The following TMEM59 variants were observed in gnomAD, a reference collection of about 807,000 sequenced individuals.
TMEM59 encodes transmembrane protein 59.
A neutral mutation model predicts 42.2 loss-of-function variants in TMEM59; 44 were observed. The ratio of observed to expected loss-of-function variants is 1.04; its 90% confidence interval spans 0.82 to 1.34. The LOEUF is 1.34. Ranked by LOEUF, TMEM59 falls within the 40% of genes most tolerant of loss-of-function variation. The pLI is 0.00. For synonymous variants in TMEM59, 148 were observed against 145.8 expected (o/e 1.02, Z -0.11); for missense variants, 359 against 382.8 (o/e 0.94, Z 0.52).
At chr1:54,053,225 T>C (rs769035551), upstream of TMEM59, 8 of 1,605,998 alleles carry the variant, frequency 5.0e-6, no homozygotes, top group Non-Finnish European at 6.8e-6. Context: ...AGCTTGTTGC[T>C]GTTTTCTCGG....
In TMEM59 at chr1:54,046,971, T is replaced by C. The variant is rs1569963592; in HGVS notation, c.295+296A>G. 2.0e-5 allele frequency among the ~76,000 whole-genome samples: 3 copies of C among 152,312 alleles called. No individual in the cohort carries two copies. In the East Asian group the frequency reaches 5.8e-4, roughly 29 times the overall value. On this transcript the variant is annotated intron_variant, in intron 2 of 7. Transcript: ENST00000234831. ...GAAAATTATACTATCTGTGAAAAGG[T>C]AGTAATGAATTGTGAGTAGGGTAAT...
chr1:54,032,902 A>G (rs2100295399), intron 7 of TMEM59, among the ~76,000 whole-genome samples: 1 of 151,892 alleles, frequency 6.6e-6, no homozygotes, highest in Non-Finnish European at 1.5e-5. Context: ...AGACTTAGAT[A>G]TATGTATGAA....
chr1:54,052,938 T>C, intron 1 of TMEM59, 62 bp downstream of exon 1: 1 of 1,548,604 alleles, frequency 6.5e-7, no homozygotes, highest in Non-Finnish European at 8.8e-7. Flanking sequence ...CCGACATACG[T>C]GTGGGGAGCC....
intron 3 of TMEM59, chr1:54,044,488 CTT>C (rs1386850950): frequency 6.8e-6 from 1 of 147,224 alleles, no homozygotes; most frequent in Non-Finnish European, 1.5e-5. Flanking sequence ...TTTGGTTCTG[CTT>C]TGTTTCTTTT....
rs1251147890 is a variant in TMEM59 at position 54,028,348 on chromosome 1, T to C, written c.*3802A>G. 2.0e-5 allele frequency: 3 copies of C among 152,216 alleles called. No individual in the cohort carries two copies. In the East Asian group the frequency reaches 5.8e-4, roughly 29 times the overall value. 9.4% of individuals were successfully genotyped at this position (152,216 alleles called of 1,614,324 possible). ...AAAAAGAACTCTGAGGCTAAGATTA[T>C]TGTTGGCCTCTGGACTTGCCCTTTC... On this transcript the variant is annotated 3_prime_UTR_variant, in exon 8 of 8. Transcript: ENST00000234831.
At chr1:54,045,168 G>A (rs1237497702) in intron 3 of TMEM59, among the ~76,000 whole-genome samples, 1 of 152,144 alleles carries the variant, frequency 6.6e-6, no homozygotes, top group African/African-American at 2.4e-5. Flanking sequence ...GTGATAAACA[G>A]TTTGGACTTA....
chr1:54,033,145 AT>A (rs1656821930), intron 7 of TMEM59: 1 of 146,196 alleles, frequency 6.8e-6, no homozygotes, highest in South Asian at 2.2e-4. Flanking sequence ...TTTTTTTTAA[AT>A]GATGGGGTCT....
In TMEM59 at chr1:54,031,296, T is replaced by C. The variant is rs1229916130; in HGVS notation, c.*854A>G. 4 of 152,238 alleles carry C rather than the reference T, an allele frequency of 2.6e-5. No individual in the cohort carries two copies. Among genetic ancestry groups the C allele is most frequent in the Non-Finnish European group, 4.4e-5 (3 of 68,040 alleles). 9.4% of individuals were successfully genotyped at this position (152,238 alleles called of 1,614,324 possible). On this transcript the variant is annotated 3_prime_UTR_variant, in exon 8 of 8. Coordinates refer to ENST00000234831, the MANE Select transcript of TMEM59 (RefSeq NM_004872.5). ...TTATTATGACCTGATATCATTCTAATATTAAGCTCTGTATTATTGCAGGTA... is the reference window on the plus strand; with the variant it reads ...TTATTATGACCTGATATCATTCTAACATTAAGCTCTGTATTATTGCAGGTA...
At position 54,037,952 on chromosome 1, in the gene TMEM59, G is replaced by A. The variant is rs561276517; in HGVS notation, c.708-1234C>T. Among the ~76,000 whole-genome samples, 5 of 152,148 alleles carry A rather than the reference G, an allele frequency of 3.3e-5. No individual in the cohort carries two copies. The South Asian group carries it at 6.2e-4, about 19-fold the overall frequency. Reference sequence around the variant, plus strand: ...CAACTACCTAAGCCAGAAAACTGGGGCTCATCCCTTCAATCTCCACAACAA... The same window carrying A: ...CAACTACCTAAGCCAGAAAACTGGGACTCATCCCTTCAATCTCCACAACAA... On this transcript the variant is annotated intron_variant, in intron 6 of 7. Transcript: ENST00000234831.
chr1:54,038,227 C>G (rs1012596319), intron 6 of TMEM59, among the ~76,000 whole-genome samples: 4 of 152,154 alleles, frequency 2.6e-5, no homozygotes, highest in African/African-American at 4.8e-5. Context: ...ACCCTATACA[C>G]ATTGAGCAGG....
At chr1:54,048,643 G>T (rs1439275030) in intron 1 of TMEM59, 1 of 436,014 alleles carries the variant, frequency 2.3e-6, no homozygotes, top group Non-Finnish European at 4.8e-6. Flanking sequence ...GAGCCCCCTC[G>T]ACTTACTATG....
At chr1:54,034,065 G>C (rs1163631237) in intron 7 of TMEM59, 3 of 144,116 alleles carry the variant, frequency 2.1e-5, no homozygotes, top group African/African-American at 5.3e-5. Flanking sequence ...TTTGCAGTGA[G>C]CCGAGATCGC....
At chr1:54,053,540 G>A (rs1657667120), upstream of TMEM59, 1 of 250,126 alleles carries the variant, frequency 4.0e-6, no homozygotes, top group Middle Eastern at 1.4e-3. Flanking sequence ...AACTACAGCC[G>A]CCCTCAGCGC....
chr1:54,045,751 A>AT lies in TMEM59; in HGVS notation c.330dup (p.Tyr111IlefsTer15). On this transcript the variant is annotated frameshift_variant, in exon 3 of 8. Coordinates refer to ENST00000234831, the MANE Select transcript of TMEM59 (RefSeq NM_004872.5). LOFTEE classifies it high-confidence loss of function. Reference sequence around the variant, plus strand: ...TTCTGGCAACCAAGATGGCAAGCATATTGCTCATCAGATTGGGAATATGCT... The same window carrying AT: ...TTCTGGCAACCAAGATGGCAAGCATATTTGCTCATCAGATTGGGAATATGCT... The AT allele has an allele frequency of 6.2e-7, 1 of 1,614,154 alleles. No individual in the cohort carries two copies. Among genetic ancestry groups the AT allele is most frequent in the Non-Finnish European group, 8.5e-7 (1 of 1,180,000 alleles).
At chr1:54,047,613 C>G (rs1657387419) in intron 1 of TMEM59, 2 of 411,504 alleles carry the variant, frequency 4.9e-6, no homozygotes, top group South Asian at 3.2e-5. Flanking sequence ...AACCACCACC[C>G]TTTTTCCATT....
At chr1:54,049,791 C>T (rs1186216687) in intron 1 of TMEM59, among the ~76,000 whole-genome samples, 1 of 152,036 alleles carries the variant, frequency 6.6e-6, no homozygotes. Flanking sequence ...CCAGCCTAGG[C>T]AACACAGCAA....
At chr1:54,050,928 G>A (rs573513822) in intron 1 of TMEM59, among the ~76,000 whole-genome samples, 4 of 150,786 alleles carry the variant, frequency 2.7e-5, no homozygotes, top group Non-Finnish European at 5.9e-5. Flanking sequence ...GCGACATTTC[G>A]GCTCACTGCG....
chr1:54,046,070 G>A (rs1657323275), intron 2 of TMEM59, among the ~76,000 whole-genome samples: 1 of 152,118 alleles, frequency 6.6e-6, no homozygotes, highest in African/African-American at 2.4e-5. Context: ...GGTGGAAAAT[G>A]CACTGGATTG....
rs1368231356 is a variant in TMEM59 at position 54,028,156 on chromosome 1, G to A, written c.*3994C>T. 1 of 152,206 alleles carries A rather than the reference G, an allele frequency of 6.6e-6. No individual in the cohort carries two copies. The highest frequency in any genetic ancestry group is 1.5e-5 in the Non-Finnish European group (1 of 68,046). The allele number at this position is 152,206 out of a possible 1,614,324, so 9.4% of individuals were successfully genotyped here. A position where few individuals can be genotyped will look rare whatever the true frequency, so the allele number is the denominator to read the frequency against. ...GGTGATAAGAAACCAGGGATCCATG[G>A]GGCAGCCTTCCCAGTTTGCTCAAAC... On this transcript the variant is annotated 3_prime_UTR_variant, in exon 8 of 8. Coordinates refer to ENST00000234831, the MANE Select transcript of TMEM59 (RefSeq NM_004872.5).
Sources: allele counts gnomAD v4.1 joint callset (sites outside exome capture counted in the v4.1 genomes callset), GRCh38; gene constraint gnomAD v4.1.1; transcripts MANE v1.5; gene names NCBI Gene and HGNC (gene_info 2026-07-23, HGNC 2026-07-21).